Variants in TSHZ2 observed in about 807,000 individuals in gnomAD.
TSHZ2 encodes teashirt zinc finger homeobox 2, also known as teashirt homolog 2.
In TSHZ2, 21 loss-of-function variants were observed where a neutral mutation model predicts 74.4. The observed-to-expected ratio is 0.28, with a 90% confidence interval of 0.20 to 0.41. TSHZ2 has a LOEUF of 0.41. Ranked by LOEUF, TSHZ2 falls within the 10% of genes least tolerant of loss-of-function variation. TSHZ2 has a pLI of 1.00. For missense variants in TSHZ2, 1,244 were observed against 1,293.5 expected (o/e 0.96, Z 0.59); for synonymous variants, 540 against 515.3 (o/e 1.05, Z -0.65).
intron 1 of TSHZ2, among the ~76,000 whole-genome samples, chr20:53,184,851 C>T (rs915657697): frequency 6.6e-6 from 1 of 152,100 alleles, no homozygotes; most frequent in East Asian, 1.9e-4. Flanking sequence ...GGGATTACAA[C>T]CGTGCACCAC....
At chr20:53,091,259 A>G (rs1456473314) in intron 1 of TSHZ2, among the ~76,000 whole-genome samples, 2 of 152,240 alleles carry the variant, frequency 1.3e-5, no homozygotes, top group Non-Finnish European at 2.9e-5. Flanking sequence ...CCTGGATAGT[A>G]GTGCAGGAGA....
At chr20:53,416,219 C>T (rs1404337465) in intron 2 of TSHZ2, among the ~76,000 whole-genome samples, 1 of 152,162 alleles carries the variant, frequency 6.6e-6, no homozygotes, top group Non-Finnish European at 1.5e-5. Context: ...AACACAGACC[C>T]CAGAGGGCGA....
chr20:53,233,798 A>G (rs1035128241), intron 1 of TSHZ2, among the ~76,000 whole-genome samples: 2 of 152,228 alleles, frequency 1.3e-5, no homozygotes, highest in African/African-American at 4.8e-5. Flanking sequence ...TACTAACAAA[A>G]AAAGAAGAGT....
chr20:53,396,357 A>G (rs1018114956), intron 2 of TSHZ2, among the ~76,000 whole-genome samples: 2 of 152,218 alleles, frequency 1.3e-5, no homozygotes, highest in Admixed American at 1.3e-4. Flanking sequence ...ATTCCTGACA[A>G]TGACCCTGAA....
chr20:53,106,084 G>T (rs2800999), intron 1 of TSHZ2, among the ~76,000 whole-genome samples: 68,033 of 151,966 alleles, frequency 0.45, 15,792 homozygotes, highest in East Asian at 0.54. Context: ...CTTTAATATT[G>T]TGGGAGGAGA....
chr20:53,322,136 G>C lies in TSHZ2; in HGVS notation c.*8+65565G>C, dbSNP rs1026259098. ...ACTCTATTTTCCTATCTGTAAATCA[G>C]AGATTTTTATTCTACTTCCTCAATT... On this transcript the variant is annotated intron_variant, in intron 2 of 2. Coordinates refer to ENST00000371497, the MANE Select transcript of TSHZ2 (RefSeq NM_173485.6). 2.0e-5 allele frequency among the ~76,000 whole-genome samples: 3 copies of C among 152,216 alleles called. No individual in the cohort carries two copies. In the East Asian group the frequency reaches 5.8e-4, roughly 29 times the overall value.
chr20:53,409,834 C>CTTTGTTTTTTTTT (rs1982983829), intron 2 of TSHZ2, among the ~76,000 whole-genome samples: 1 of 49,336 alleles, frequency 2.0e-5, no homozygotes, highest in Admixed American at 3.2e-4. Flanking sequence ...GTTTTCTTTT[C>CTTTGTTTTTTTTT]TTTTTTTTTT....
At chr20:53,384,813 C>T (rs1981984557) in intron 2 of TSHZ2, among the ~76,000 whole-genome samples, 1 of 152,184 alleles carries the variant, frequency 6.6e-6, no homozygotes, top group Admixed American at 6.5e-5. Context: ...TGACATTGTA[C>T]TTTCTCATTT....
intron 1 of TSHZ2, among the ~76,000 whole-genome samples, chr20:53,127,309 G>C (rs1000274109): frequency 2.6e-5 from 4 of 152,202 alleles, no homozygotes; most frequent in Non-Finnish European, 5.9e-5. Flanking sequence ...GGGATTCAGA[G>C]ATAAACAAGG....
intron 1 of TSHZ2, among the ~76,000 whole-genome samples, chr20:53,081,673 A>T (rs548224893): frequency 1.3e-5 from 2 of 151,914 alleles, no homozygotes; most frequent in Non-Finnish European, 1.5e-5. Flanking sequence ...GTGTTTATAA[A>T]TTTTTTCACC....
intron 1 of TSHZ2, among the ~76,000 whole-genome samples, chr20:53,230,098 G>A (rs1475496532): frequency 1.3e-5 from 2 of 152,052 alleles, no homozygotes; most frequent in Non-Finnish European, 1.5e-5. Flanking sequence ...AGTCTTTCCT[G>A]TTCTGTCCTC....
intron 2 of TSHZ2, among the ~76,000 whole-genome samples, chr20:53,321,939 C>G (rs1256282259): frequency 5.3e-5 from 8 of 152,146 alleles, no homozygotes; most frequent in Non-Finnish European, 1.0e-4. Flanking sequence ...CACAAGAGGG[C>G]CGCCATCCCC....
At chr20:53,375,290 T>A (rs1290482303) in intron 2 of TSHZ2, among the ~76,000 whole-genome samples, 1 of 152,206 alleles carries the variant, frequency 6.6e-6, no homozygotes, top group African/African-American at 2.4e-5. Context: ...TGCATGCATA[T>A]GAAAATGACA....
chr20:53,100,266 C>A (rs140377224), intron 1 of TSHZ2, among the ~76,000 whole-genome samples: 264 of 152,172 alleles, frequency 1.7e-3, no homozygotes, highest in African/African-American at 5.5e-3. Context: ...TCACTTTGCC[C>A]CTTCATTTCT....
intron 1 of TSHZ2, among the ~76,000 whole-genome samples, chr20:53,222,460 G>A (rs1989586394): frequency 6.6e-6 from 1 of 152,176 alleles, no homozygotes; most frequent in African/African-American, 2.4e-5. Flanking sequence ...TTAAAATGTG[G>A]ATCTTCCTGA....
chr20:52,976,278 T>G lies in TSHZ2; in HGVS notation c.40+2945T>G, dbSNP rs79580735. The stretch of plus-strand genomic sequence containing the variant: ...GGACAATTCTCTTTAAGGAAACAGC[T>G]AAATCAGAGTATTTCCCTCTGAAAT... On this transcript the variant is annotated intron_variant, in intron 1 of 2. Coordinates refer to ENST00000371497, the MANE Select transcript of TSHZ2 (RefSeq NM_173485.6). 4.8e-3 allele frequency among the ~76,000 whole-genome samples: 738 copies of G among 152,342 alleles called. 7 individuals carry two copies. Among genetic ancestry groups the G allele is most frequent in the African/African-American group, 0.017 (692 of 41,582 alleles).
intron 1 of TSHZ2, among the ~76,000 whole-genome samples, chr20:53,004,399 CG>C (rs1215349413): frequency 1.3e-5 from 2 of 152,130 alleles, no homozygotes; most frequent in African/African-American, 4.8e-5. Flanking sequence ...ATGGCCAAGA[CG>C]TAAGATGATA....
rs1021093521 is a variant in TSHZ2 at position 53,148,925 on chromosome 20, C to A, written c.41-104574C>A. ...AAGAGAATTCTCACAGAGCAGGAAT[C>A]AACCTTTTCCTCCATAAATCACAGG... On this transcript the variant is annotated intron_variant, in intron 1 of 2. Transcript: ENST00000371497. Among the ~76,000 whole-genome samples, 18 of 152,284 alleles carry A rather than the reference C, an allele frequency of 1.2e-4. 1 individual carries two copies. Among genetic ancestry groups the A allele is most frequent in the Non-Finnish European group, 2.1e-4 (14 of 68,024 alleles).
chr20:53,002,472 G>A (rs1246267728), intron 1 of TSHZ2, among the ~76,000 whole-genome samples: 3 of 151,956 alleles, frequency 2.0e-5, no homozygotes, highest in African/African-American at 4.8e-5. Flanking sequence ...CCATTACCCT[G>A]AAAAATAAAC....
Sources: allele counts gnomAD v4.1 joint callset (sites outside exome capture counted in the v4.1 genomes callset), GRCh38; gene constraint gnomAD v4.1.1; transcripts MANE v1.5; gene names NCBI Gene and HGNC (gene_info 2026-07-23, HGNC 2026-07-21).